The following RTN1 variants were observed in gnomAD, a reference collection of about 807,000 sequenced individuals.
RTN1 encodes the protein reticulon 1.
RTN1 carries 25 observed loss-of-function variants against 65.5 expected under a neutral mutation model. That is an observed-to-expected ratio of 0.38 (90% CI 0.28 to 0.53). The LOEUF (loss-of-function observed/expected upper bound fraction) is 0.53, where lower values mean the gene tolerates loss of function less well. Among genes scored for constraint, RTN1 ranks in the 20% least tolerant of loss-of-function variants. The pLI, the probability that RTN1 is intolerant of heterozygous loss-of-function variation, is 0.79. For missense variants in RTN1, 983 were observed against 1,025.4 expected, an observed-to-expected ratio of 0.96 and a Z score of 0.57; for synonymous variants, 471 against 447.6, an observed-to-expected ratio of 1.05 and a Z score of -0.66.
chr14:59,740,614 A>C (rs1885097741), intron 2 of RTN1, among the ~76,000 whole-genome samples: 1 of 152,168 alleles, frequency 6.6e-6, no homozygotes, highest in East Asian at 1.9e-4. Flanking sequence ...GGTCGGGGAG[A>C]AAAGGGTCTG....
intron 3 of RTN1, among the ~76,000 whole-genome samples, chr14:59,624,160 A>G (rs1156915455): frequency 6.6e-6 from 1 of 152,202 alleles, no homozygotes; most frequent in Non-Finnish European, 1.5e-5. Flanking sequence ...TTAGAATTTT[A>G]TTTCATGAAA....
intron 3 of RTN1, among the ~76,000 whole-genome samples, chr14:59,614,227 G>A (rs545509988): frequency 3.9e-5 from 6 of 152,178 alleles, no homozygotes; most frequent in Admixed American, 6.5e-5. Context: ...TCCGGGATCC[G>A]GTATAAAATG....
At chr14:59,821,664 T>C (rs1329914445) in intron 1 of RTN1, among the ~76,000 whole-genome samples, 1 of 152,210 alleles carries the variant, frequency 6.6e-6, no homozygotes, top group East Asian at 1.9e-4. Context: ...CATAGATGGC[T>C]CTTACTATCT....
At chr14:59,782,434 G>A (rs1886173492) in intron 1 of RTN1, among the ~76,000 whole-genome samples, 2 of 152,218 alleles carry the variant, frequency 1.3e-5, no homozygotes, top group South Asian at 4.1e-4. Flanking sequence ...GTACCTGGGA[G>A]CAGAATTAAA....
chr14:59,823,835 T>G (rs1886985439), intron 1 of RTN1, among the ~76,000 whole-genome samples: 1 of 152,248 alleles, frequency 6.6e-6, no homozygotes, highest in Non-Finnish European at 1.5e-5. Context: ...GAAATTTTGG[T>G]GGACAATATC....
intron 3 of RTN1, among the ~76,000 whole-genome samples, chr14:59,725,867 C>CTATGCTAACT (rs757600521): frequency 6.6e-5 from 10 of 152,182 alleles, no homozygotes; most frequent in Non-Finnish European, 1.3e-4. Flanking sequence ...AGCATAGACA[C>CTATGCTAACT]AGGAAAGAGG....
chr14:59,741,002 G>C (rs778640807), intron 2 of RTN1, among the ~76,000 whole-genome samples: 6 of 152,182 alleles, frequency 3.9e-5, no homozygotes, highest in Non-Finnish European at 5.9e-5. Flanking sequence ...AGGAATAAAA[G>C]GAAAGGTGAA....
chr14:59,671,403 T>A (rs180915731), intron 3 of RTN1, among the ~76,000 whole-genome samples: 2 of 152,326 alleles, frequency 1.3e-5, no homozygotes, highest in East Asian at 3.9e-4. Context: ...TTGTAACTCA[T>A]ATACAAACCA....
intron 1 of RTN1, among the ~76,000 whole-genome samples, chr14:59,754,653 C>G (rs191942771): frequency 4.7e-4 from 72 of 152,288 alleles, no homozygotes; most frequent in Non-Finnish European, 1.0e-4. Context: ...CCTGATACAT[C>G]GAACACACTC....
At chr14:59,747,391 C>T (rs944437824) in intron 1 of RTN1, among the ~76,000 whole-genome samples, 1 of 152,200 alleles carries the variant, frequency 6.6e-6, no homozygotes, top group Non-Finnish European at 1.5e-5. Context: ...AGGCGGATCT[C>T]CTGAGGTCGG....
intron 1 of RTN1, among the ~76,000 whole-genome samples, chr14:59,820,406 T>G (rs1403682988): frequency 6.7e-6 from 1 of 149,266 alleles, no homozygotes. Flanking sequence ...TTACTTTAAT[T>G]AGGTCCCACT....
chr14:59,632,396 G>A (rs1882573843), intron 3 of RTN1, among the ~76,000 whole-genome samples: 1 of 152,130 alleles, frequency 6.6e-6, no homozygotes, highest in South Asian at 2.1e-4. Flanking sequence ...ACTGGTATAT[G>A]ATGATAGCCT....
chr14:59,676,524 T>C (rs2140218726), intron 3 of RTN1, among the ~76,000 whole-genome samples: 1 of 152,244 alleles, frequency 6.6e-6, no homozygotes, highest in East Asian at 1.9e-4. Flanking sequence ...GCTTAGATGA[T>C]ACCTACCTAA....
intron 1 of RTN1, among the ~76,000 whole-genome samples, chr14:59,761,500 T>C (rs1379548364): frequency 1.3e-5 from 2 of 152,212 alleles, no homozygotes; most frequent in Non-Finnish European, 2.9e-5. Context: ...CGTGGAACTG[T>C]GAATCAATTA....
At chr14:59,630,690 G>T (rs1251275325) in intron 3 of RTN1, 4 of 1,170,162 alleles carry the variant, frequency 3.4e-6, no homozygotes, top group Admixed American at 4.7e-5. Flanking sequence ...TGCGCGGCCG[G>T]CAGCGAATCA....
intron 3 of RTN1, among the ~76,000 whole-genome samples, chr14:59,617,585 G>A (rs1373108586): frequency 6.6e-6 from 1 of 152,122 alleles, no homozygotes; most frequent in Non-Finnish European, 1.5e-5. Context: ...TGATTCAAAA[G>A]AAAAACTATA....
Position 59,852,749 on chromosome 14 carries a change from G to A in RTN1, c.241+17641C>T, listed in dbSNP as rs146366622. ...CCATAGCCAATCTGGAAAGAGTATG[G>A]CTTAGTAATCCTCTGAGAGCCACAA... On this transcript the variant is annotated intron_variant, in intron 1 of 8. Transcript: ENST00000267484. 3.1e-3 allele frequency among the ~76,000 whole-genome samples: 471 copies of A among 152,246 alleles called. 3 individuals carry two copies. The highest frequency in any genetic ancestry group is 0.021 in the Middle Eastern group (6 of 292).
At chr14:59,776,177 A>G (rs906616123) in intron 1 of RTN1, among the ~76,000 whole-genome samples, 4 of 152,042 alleles carry the variant, frequency 2.6e-5, no homozygotes, top group African/African-American at 9.7e-5. Flanking sequence ...GTCCATTGCT[A>G]TGGGCCTTGA....
At position 59,787,132 on chromosome 14, in the gene RTN1, C is replaced by T. The variant is rs547282919; in HGVS notation, c.242-40651G>A. 4.6e-5 allele frequency among the ~76,000 whole-genome samples: 7 copies of T among 152,272 alleles called. No homozygotes were observed. The East Asian group carries it at 1.3e-3, about 29-fold the overall frequency. On this transcript the variant is annotated intron_variant, in intron 1 of 8. Transcript: ENST00000267484. Reference sequence around the variant, plus strand: ...GAGTCACTATTTTGAACCTGAAACACATCTCCCCATCAAGAAAATAATGTT... The same window carrying T: ...GAGTCACTATTTTGAACCTGAAACATATCTCCCCATCAAGAAAATAATGTT...
Sources: allele counts gnomAD v4.1 joint callset (sites outside exome capture counted in the v4.1 genomes callset), GRCh38; gene constraint gnomAD v4.1.1; transcripts MANE v1.5; gene names NCBI Gene and HGNC (gene_info 2026-07-23, HGNC 2026-07-21).